The following PARP8 variants were observed in gnomAD, a reference collection of about 807,000 sequenced individuals.
PARP8 encodes poly(ADP-ribose) polymerase family member 8.
Under a neutral mutation model 124.1 loss-of-function variants are expected in PARP8, and 51 were observed. The observed-to-expected ratio is 0.41, with a 90% confidence interval of 0.33 to 0.52. The LOEUF (loss-of-function observed/expected upper bound fraction) is 0.52, where lower values mean the gene tolerates loss of function less well. PARP8 is among the 20% of genes least tolerant of loss of function. The pLI is 0.21. For synonymous variants in PARP8, 391 were observed against 361.5 expected (o/e 1.08, Z -0.93); for missense variants, 860 against 1,018.9 (o/e 0.84, Z 2.12).
chr5:50,705,465 G>A (rs757802281), intron 2 of PARP8, among the ~76,000 whole-genome samples: 13 of 152,042 alleles, frequency 8.6e-5, no homozygotes, highest in Non-Finnish European at 1.8e-4. Flanking sequence ...GGAGAAAACC[G>A]GAGAGGAGCT....
chr5:50,810,876 G>T (rs1307341363), intron 14 of PARP8, among the ~76,000 whole-genome samples: 1 of 151,978 alleles, frequency 6.6e-6, no homozygotes, highest in African/African-American at 2.4e-5. Flanking sequence ...ATGGTGTATG[G>T]TATATAAATT....
intron 3 of PARP8, chr5:50,757,281 C>A (rs1760073064): frequency 3.1e-5 from 12 of 393,282 alleles, no homozygotes; most frequent in Admixed American, 6.0e-5. Flanking sequence ...AAAAAACAGG[C>A]CAATAATCAG....
At chr5:50,750,466 G>T (rs1364359604) in intron 3 of PARP8, among the ~76,000 whole-genome samples, 1 of 152,000 alleles carries the variant, frequency 6.6e-6, no homozygotes, top group African/African-American at 2.4e-5. Flanking sequence ...AAAATAAAGA[G>T]ATCAATGGTC....
chr5:50,684,043 G>A (rs1394834975), intron 2 of PARP8, among the ~76,000 whole-genome samples: 1 of 152,116 alleles, frequency 6.6e-6, no homozygotes, highest in Non-Finnish European at 1.5e-5. Flanking sequence ...GCTGGTGAAG[G>A]TTTCTTAGCT....
At chr5:50,721,474 C>CA (rs1472713475) in intron 2 of PARP8, among the ~76,000 whole-genome samples, 2 of 152,192 alleles carry the variant, frequency 1.3e-5, no homozygotes, top group South Asian at 2.1e-4. Flanking sequence ...TCAGAACTGA[C>CA]AGAGTTGAGA....
At chr5:50,675,391 G>GC (rs1201591165) in intron 2 of PARP8, among the ~76,000 whole-genome samples, 2 of 152,040 alleles carry the variant, frequency 1.3e-5, no homozygotes, top group African/African-American at 2.4e-5. Flanking sequence ...TGCAACCTCC[G>GC]CCCCCCGGGT....
At chr5:50,698,207 A>G (rs911702537) in intron 2 of PARP8, among the ~76,000 whole-genome samples, 2 of 152,230 alleles carry the variant, frequency 1.3e-5, no homozygotes, top group African/African-American at 4.8e-5. Context: ...TCACAATTAA[A>G]TTGGAGGTTT....
chr5:50,842,191 G>T lies in PARP8; in HGVS notation c.*123G>T. 2 of 658,020 alleles carry T rather than the reference G, an allele frequency of 3.0e-6. No individual in the cohort carries two copies. The highest frequency in any genetic ancestry group is 2.0e-5 in the South Asian group (1 of 50,744). The allele number at this position is 658,020 out of a possible 1,614,324, so 40.8% of individuals were successfully genotyped here. On this transcript the variant is annotated 3_prime_UTR_variant, in exon 26 of 26. Coordinates refer to ENST00000281631, the MANE Select transcript of PARP8 (RefSeq NM_024615.4). ...AAACAAAATTAACCCTTTGAATACT[G>T]ATTTTTTTTCTTAGTATTTCTAAGT...
chr5:50,786,588 G>C (rs1304151352), intron 9 of PARP8, among the ~76,000 whole-genome samples: 1 of 150,546 alleles, frequency 6.6e-6, no homozygotes, highest in African/African-American at 2.4e-5. Context: ...GACTGGTCTT[G>C]AACTCCTGGG....
At position 50,833,891 on chromosome 5, in the gene PARP8, T is replaced by G. The variant is rs76177486; in HGVS notation, c.2308-88T>G. 3,890 of 1,013,972 alleles carry G rather than the reference T, an allele frequency of 3.8e-3. 102 individuals are homozygous for G. In the African/African-American group the frequency reaches 0.057, roughly 15 times the overall value. The allele number at this position is 1,013,972 out of a possible 1,614,324, so 62.8% of individuals were successfully genotyped here. A position where few individuals can be genotyped will look rare whatever the true frequency, so the allele number is the denominator to read the frequency against. On this transcript the variant is annotated intron_variant, in intron 23 of 25. Coordinates refer to ENST00000281631, the MANE Select transcript of PARP8 (RefSeq NM_024615.4). ...TTTTTTTTTTTGACCTGGAGCCATCTTAGTGACTATTACTTTTTAATGATG... is the reference window on the plus strand; with the variant it reads ...TTTTTTTTTTTGACCTGGAGCCATCGTAGTGACTATTACTTTTTAATGATG...
chr5:50,705,450 G>T (rs1197444044), intron 2 of PARP8, among the ~76,000 whole-genome samples: 4 of 152,084 alleles, frequency 2.6e-5, no homozygotes, highest in African/African-American at 9.7e-5. Context: ...AGATATAAAT[G>T]ATATGGAGAA....
intron 14 of PARP8, among the ~76,000 whole-genome samples, chr5:50,802,974 A>C (rs947977605): frequency 6.6e-6 from 1 of 152,150 alleles, no homozygotes; most frequent in Non-Finnish European, 1.5e-5. Flanking sequence ...AACTCCCTTC[A>C]TTAATTCCTG....
chr5:50,667,915 C>G, intron 1 of PARP8, 156 bp from the exon 2 acceptor site: 2 of 1,512,786 alleles, frequency 1.3e-6, no homozygotes, highest in African/African-American at 1.4e-5. Flanking sequence ...GCCGCATCCC[C>G]TCGGACGCGG....
intron 23 of PARP8, 45 bp downstream of exon 23, chr5:50,832,899 G>T: frequency 2.6e-6 from 4 of 1,544,474 alleles, no homozygotes; most frequent in Non-Finnish European, 3.6e-6. Context: ...GTGAACTGTG[G>T]CCTCATCAGC....
At chr5:50,795,471 ATTTT>A (rs568654926) in intron 12 of PARP8, 54 bp downstream of exon 12, 12 of 1,375,974 alleles carry the variant, frequency 8.7e-6, no homozygotes, top group Non-Finnish European at 1.1e-5. Flanking sequence ...GTGCAGTAGA[ATTTT>A]TTTTTTCTTA....
At position 50,719,737 on chromosome 5, in the gene PARP8, T is replaced by G. The variant is rs565693604; in HGVS notation, c.147-30414T>G. On this transcript the variant is annotated intron_variant, in intron 2 of 25. Transcript: ENST00000281631. Reference sequence around the variant, plus strand: ...TTAAGAGGAATCATATTAAAATGTGTGGCTTCCTTTTTCTTTTAGAAGTTT... The same window carrying G: ...TTAAGAGGAATCATATTAAAATGTGGGGCTTCCTTTTTCTTTTAGAAGTTT... 8.5e-5 allele frequency among the ~76,000 whole-genome samples: 13 copies of G among 152,198 alleles called. 1 individual carries two copies. The highest frequency in any genetic ancestry group is 3.4e-3 in the Middle Eastern group (1 of 294).
At position 50,824,970 on chromosome 5, in the gene PARP8, G is replaced by A; in HGVS notation, c.1923G>A (p.Leu641=). ...DKQDPLAHPL[L]QWVISSNRSH... ...AGGACCCCCTTGCTCATCCCTTACT[G>A]CAATGGTATAAAATTCTAGTTTTCC... The change falls in exon 18 of 26, where the codon CTG becomes CTA. Residue 641 remains leucine, a synonymous_variant. Coordinates refer to ENST00000281631, the MANE Select transcript of PARP8 (RefSeq NM_024615.4). The A allele has an allele frequency of 6.2e-7, 1 of 1,609,698 alleles. No homozygotes were observed. The highest frequency in any genetic ancestry group is 1.3e-5 in the African/African-American group (1 of 74,852).
intron 18 of PARP8, among the ~76,000 whole-genome samples, chr5:50,825,246 T>C (rs1280967191): frequency 6.6e-6 from 1 of 152,160 alleles, no homozygotes; most frequent in African/African-American, 2.4e-5. Flanking sequence ...TGCCTATAGT[T>C]TTAAAAGATG....
At chr5:50,697,040 G>A (rs1368688899) in intron 2 of PARP8, among the ~76,000 whole-genome samples, 5 of 152,062 alleles carry the variant, frequency 3.3e-5, no homozygotes, top group Non-Finnish European at 7.4e-5. Context: ...AGGCTGAGGC[G>A]GGTGGATCAT....
Sources: allele counts gnomAD v4.1 joint callset (sites outside exome capture counted in the v4.1 genomes callset), GRCh38; gene constraint gnomAD v4.1.1; transcripts MANE v1.5; gene names NCBI Gene and HGNC (gene_info 2026-07-23, HGNC 2026-07-21).